GHR: variants seen among roughly 807,000 people sequenced by gnomAD.
GHR encodes growth hormone receptor, also known as GH receptor.
A neutral mutation model predicts 67.1 loss-of-function variants in GHR; 35 were observed. That is an observed-to-expected ratio of 0.52 (90% CI 0.40 to 0.69). GHR has a LOEUF of 0.69. Among genes scored for constraint, GHR ranks in the 30% least tolerant of loss-of-function variants. The pLI, the probability that GHR is intolerant of heterozygous loss-of-function variation, is 0.00. For missense variants in GHR, 792 were observed against 764.6 expected, an observed-to-expected ratio of 1.04 and a Z score of -0.42; for synonymous variants, 272 against 269.1, an observed-to-expected ratio of 1.01 and a Z score of -0.10.
chr5:42,493,939 G>T (rs1252989601), intron 1 of GHR, among the ~76,000 whole-genome samples: 1 of 152,166 alleles, frequency 6.6e-6, no homozygotes, highest in African/African-American at 2.4e-5. Context: ...ACATAGGGAA[G>T]TCATTTCAGA....
rs548384038 is a variant in GHR, at chr5:42,498,622, T to G, written c.-11-67242T>G. Among the ~76,000 whole-genome samples, 9 of 152,308 alleles carry G rather than the reference T, an allele frequency of 5.9e-5. No individual in the cohort carries two copies. The South Asian group carries it at 8.3e-4, about 14-fold the overall frequency. ...TTGAAGGAGATCCAAGCATCATGTT[T>G]CTAGTTAAAAAGAAGGTGCAGAGTA... On this transcript the variant is annotated intron_variant, in intron 1 of 9. Coordinates refer to ENST00000230882, the MANE Select transcript of GHR (RefSeq NM_000163.5).
intron 1 of GHR, among the ~76,000 whole-genome samples, chr5:42,563,929 TA>T (rs1749776340): frequency 6.6e-6 from 1 of 152,182 alleles, no homozygotes; most frequent in South Asian, 2.1e-4. Flanking sequence ...TTTGATTACA[TA>T]GCCTGTTCAC....
chr5:42,473,300 G>A (rs540927103), intron 1 of GHR, among the ~76,000 whole-genome samples: 3 of 152,184 alleles, frequency 2.0e-5, no homozygotes, highest in Admixed American at 1.3e-4. Context: ...GCGCGATCTC[G>A]GGTCCCTGCA....
intron 3 of GHR, among the ~76,000 whole-genome samples, chr5:42,634,674 T>G (rs1287262144): frequency 6.6e-6 from 1 of 152,134 alleles, no homozygotes; most frequent in African/African-American, 2.4e-5. Flanking sequence ...GGAGGAGAAT[T>G]TTATCTTGTC....
intron 1 of GHR, chr5:42,469,008 A>C (rs1299507064): frequency 3.2e-6 from 1 of 312,518 alleles, no homozygotes; most frequent in Non-Finnish European, 6.0e-6. Flanking sequence ...TAAATTTCAA[A>C]ATGAATTTTT....
At chr5:42,657,870 C>T (rs1435010497) in intron 3 of GHR, among the ~76,000 whole-genome samples, 1 of 152,174 alleles carries the variant, frequency 6.6e-6, no homozygotes, top group East Asian at 1.9e-4. Context: ...ATCCTCCCAC[C>T]TAATAGTAGC....
chr5:42,658,238 A>G (rs563419073), intron 3 of GHR, among the ~76,000 whole-genome samples: 134 of 152,334 alleles, frequency 8.8e-4, no homozygotes, highest in Non-Finnish European at 1.6e-3. Context: ...AAATCCAAAT[A>G]AAACTGAAAG....
intron 1 of GHR, among the ~76,000 whole-genome samples, chr5:42,481,960 T>C (rs760405717): frequency 9.2e-5 from 14 of 152,176 alleles, no homozygotes; most frequent in Non-Finnish European, 1.9e-4. Flanking sequence ...AGAGGCACTC[T>C]GATTTTTAGA....
At chr5:42,438,380 C>T (rs996270658) in intron 1 of GHR, among the ~76,000 whole-genome samples, 1 of 152,242 alleles carries the variant, frequency 6.6e-6, no homozygotes, top group East Asian at 1.9e-4. Context: ...TTTGAAATTC[C>T]TCCCTCCAAG....
intron 1 of GHR, chr5:42,467,431 C>G: frequency 1.1e-6 from 1 of 951,770 alleles, no homozygotes; most frequent in Non-Finnish European, 1.7e-6. Flanking sequence ...ATGGTTTGAG[C>G]TCCCAGTAAA....
intron 3 of GHR, among the ~76,000 whole-genome samples, chr5:42,639,593 A>G (rs952168760): frequency 1.3e-5 from 2 of 152,182 alleles, no homozygotes; most frequent in African/African-American, 4.8e-5. Flanking sequence ...TGTTGTCAGC[A>G]CATATGGTTT....
At chr5:42,565,545 C>A in intron 1 of GHR, 1 of 985,304 alleles carries the variant, frequency 1.0e-6, no homozygotes, top group Non-Finnish European at 1.2e-6. Context: ...ACCTTACTGG[C>A]CCTGTTACTG....
At chr5:42,552,251 G>T (rs1294167483) in intron 1 of GHR, among the ~76,000 whole-genome samples, 6 of 152,176 alleles carry the variant, frequency 3.9e-5, no homozygotes, top group Admixed American at 2.0e-4. Context: ...GCCAAGATTT[G>T]CAAGGACATG....
intron 1 of GHR, among the ~76,000 whole-genome samples, chr5:42,447,951 G>A (rs1252435517): frequency 1.3e-5 from 2 of 151,776 alleles, no homozygotes; most frequent in Non-Finnish European, 2.9e-5. Flanking sequence ...TAGTAGAGAT[G>A]GGGTTTCATC....
intron 1 of GHR, among the ~76,000 whole-genome samples, chr5:42,485,423 G>C (rs112648183): frequency 1.8e-4 from 27 of 152,258 alleles, no homozygotes; most frequent in African/African-American, 5.5e-4. Flanking sequence ...TTGTGCTGTA[G>C]TTATTTATGT....
chr5:42,695,856 G>A (rs989823854), intron 5 of GHR, among the ~76,000 whole-genome samples: 18 of 152,172 alleles, frequency 1.2e-4, no homozygotes, highest in East Asian at 3.8e-4. Flanking sequence ...GGAATTTCTC[G>A]TTGCTTCTCC....
intron 1 of GHR, among the ~76,000 whole-genome samples, chr5:42,441,596 G>A (rs552440216): frequency 4.0e-5 from 6 of 151,680 alleles, no homozygotes; most frequent in African/African-American, 9.7e-5. Context: ...TGCAAGCTCC[G>A]CCTCCTGGGT....
At chr5:42,528,330 C>T (rs1328356847) in intron 1 of GHR, among the ~76,000 whole-genome samples, 2 of 152,062 alleles carry the variant, frequency 1.3e-5, no homozygotes, top group Non-Finnish European at 2.9e-5. Flanking sequence ...TCAACCTTAA[C>T]AGCAGTTTAG....
At chr5:42,427,087 T>C (rs1742885289) in intron 1 of GHR, among the ~76,000 whole-genome samples, 1 of 152,192 alleles carries the variant, frequency 6.6e-6, no homozygotes, top group South Asian at 2.1e-4. Flanking sequence ...ACAAATATTA[T>C]CCTCCTTGCC....
Sources: allele counts gnomAD v4.1 joint callset (sites outside exome capture counted in the v4.1 genomes callset), GRCh38; gene constraint gnomAD v4.1.1; transcripts MANE v1.5; gene names NCBI Gene and HGNC (gene_info 2026-07-23, HGNC 2026-07-21).